DYNC2H1: variants seen among roughly 807,000 people sequenced by gnomAD.
DYNC2H1 encodes dynein cytoplasmic 2 heavy chain 1.
DYNC2H1 carries 410 observed loss-of-function variants against 570.0 expected under a neutral mutation model. The observed-to-expected ratio is 0.72, with a 90% CI of 0.66 to 0.78. The LOEUF (loss-of-function observed/expected upper bound fraction) is 0.78, where lower values mean the gene tolerates loss of function less well. Among genes scored for constraint, DYNC2H1 ranks in the 30% least tolerant of loss-of-function variants. DYNC2H1 has a pLI of 0.00. For synonymous variants in DYNC2H1, 1,688 were observed against 1,677.6 expected, an observed-to-expected ratio of 1.01 and a Z score of -0.15; for missense variants, 4,865 against 5,046.4, an observed-to-expected ratio of 0.96 and a Z score of 1.09.
chr11:103,283,878 T>G (rs1866242661), intron 73 of DYNC2H1, among the ~76,000 whole-genome samples: 1 of 151,026 alleles, frequency 6.6e-6, no homozygotes, highest in Admixed American at 6.6e-5. Flanking sequence ...ATATCCTCCA[T>G]TTTTTTTTCA....
intron 84 of DYNC2H1, chr11:103,408,101 C>T (rs955136869): frequency 3.3e-5 from 5 of 151,594 alleles, no homozygotes; most frequent in Non-Finnish European, 7.4e-5. Context: ...TAAGAGGATC[C>T]GGTATAGGGA....
Position 103,479,257 on chromosome 11 carries a change from C to T in DYNC2H1, c.*4C>T. 6.2e-7 allele frequency: 1 copy of T among 1,606,406 alleles called. No individual in the cohort carries two copies. The highest frequency in any genetic ancestry group is 1.7e-4 in the Middle Eastern group (1 of 6,030). The stretch of plus-strand genomic sequence containing the variant: ...TCTATTCCTAAAAAATCAGTAGAAT[C>T]TAATGACAACAAAAGCCATCTTCAC... On this transcript the variant is annotated 3_prime_UTR_variant, in exon 89 of 89. Transcript: ENST00000375735.
rs751769715 is a variant in DYNC2H1, at chr11:103,243,825, G to A, written c.9918+34G>A. On this transcript the variant is annotated intron_variant, in intron 64 of 88. Transcript: ENST00000375735. This position sits in a 1 kb window ranked among gnomAD's most constrained non-coding sequence, Gnocchi z 4.8. ...TATTTATAATTTACATACCAATTAGGAATGACCTCTTATAGTGAAAAGATC... is the reference window on the plus strand; with the variant it reads ...TATTTATAATTTACATACCAATTAGAAATGACCTCTTATAGTGAAAAGATC... The A allele has an allele frequency of 6.8e-7, 1 of 1,470,748 alleles. No homozygotes were observed. The highest frequency in any genetic ancestry group is 1.3e-5 in the South Asian group (1 of 79,820). 91.1% of individuals were successfully genotyped at this position (1,470,748 alleles called of 1,614,324 possible).
At chr11:103,470,529 G>A (rs895958945) in intron 88 of DYNC2H1, among the ~76,000 whole-genome samples, 2 of 152,080 alleles carry the variant, frequency 1.3e-5, no homozygotes, top group Admixed American at 6.6e-5. Context: ...TCATTAACTC[G>A]TCATTTAGCA....
chr11:103,188,786 A>C (rs1862181287), intron 44 of DYNC2H1, 138 bp downstream of exon 44: 2 of 678,282 alleles, frequency 2.9e-6, no homozygotes, highest in African/African-American at 1.9e-5. Flanking sequence ...ATTTTTTCCT[A>C]CCCTTCTCAA....
At position 103,170,860 on chromosome 11, in the gene DYNC2H1, CTA is replaced by C. The variant is rs1861538281; in HGVS notation, c.5152-23_5152-22del. On this transcript the variant is annotated intron_variant, in intron 33 of 88. Coordinates refer to ENST00000375735, the MANE Select transcript of DYNC2H1 (RefSeq NM_001377.3). The surrounding 1 kb of genome is among the most constrained non-coding windows in gnomAD (Gnocchi z 4.8). ...GGAGATTTTGATTATTTTTTAATGACTATAATTTTTATTGTTGTTTTTAAGGG... is the reference window on the plus strand; with the variant it reads ...GGAGATTTTGATTATTTTTTAATGACTAATTTTTATTGTTGTTTTTAAGGG... 1 of 1,418,254 alleles carries C rather than the reference CTA, an allele frequency of 7.1e-7. No individual in the cohort carries two copies. Among genetic ancestry groups the C allele is most frequent in the Non-Finnish European group, 9.3e-7 (1 of 1,074,848 alleles). The allele number at this position is 1,418,254 out of a possible 1,614,324, so 87.9% of individuals were successfully genotyped here.
intron 29 of DYNC2H1, among the ~76,000 whole-genome samples, chr11:103,162,232 C>CTT (rs5794211): frequency 0.94 from 143,510 of 152,018 alleles, 67,816 homozygotes; most frequent in African/African-American, 0.98. Context: ...GATTCTCACT[C>CTT]TAGCTTCAGT....
intron 85 of DYNC2H1, among the ~76,000 whole-genome samples, chr11:103,441,138 C>A (rs147538582): frequency 1.5e-3 from 228 of 152,164 alleles, no homozygotes; most frequent in Non-Finnish European, 2.9e-3. Context: ...CAGTTTTCTA[C>A]CTCATTTACT....
chr11:103,298,073 C>T (rs1866906372), intron 75 of DYNC2H1, among the ~76,000 whole-genome samples: 1 of 152,120 alleles, frequency 6.6e-6, no homozygotes, highest in African/African-American at 2.4e-5. Context: ...CACTTCTCTG[C>T]TCCAAGTCTT....
intron 85 of DYNC2H1, among the ~76,000 whole-genome samples, chr11:103,451,386 G>A (rs1163179721): frequency 2.4e-5 from 3 of 125,934 alleles, no homozygotes; most frequent in African/African-American, 9.3e-5. Flanking sequence ...AGGCTGGAGT[G>A]CAGTGGCACA....
intron 82 of DYNC2H1, among the ~76,000 whole-genome samples, chr11:103,338,272 T>C (rs1939255774): frequency 2.6e-5 from 4 of 151,942 alleles, no homozygotes; most frequent in African/African-American, 7.2e-5. Flanking sequence ...TTGGTTACTA[T>C]AGGTTTCTAG....
intron 84 of DYNC2H1, among the ~76,000 whole-genome samples, chr11:103,414,917 A>G (rs561328705): frequency 3.9e-5 from 6 of 152,208 alleles, no homozygotes; most frequent in Non-Finnish European, 4.4e-5. Context: ...TTCCATGCTT[A>G]TGTACCACCA....
At chr11:103,234,906 C>T (rs2135196740) in intron 61 of DYNC2H1, among the ~76,000 whole-genome samples, 1 of 152,010 alleles carries the variant, frequency 6.6e-6, no homozygotes, top group South Asian at 2.1e-4. Flanking sequence ...CTTTGGGCAT[C>T]AATACTAAAA....
intron 15 of DYNC2H1, among the ~76,000 whole-genome samples, chr11:103,134,816 A>G (rs890704116): frequency 1.2e-4 from 18 of 152,062 alleles, no homozygotes; most frequent in African/African-American, 4.3e-4. Flanking sequence ...TTTTGGAGGT[A>G]AAATTTGAGT....
In DYNC2H1 at chr11:103,211,798, A is replaced by G; in HGVS notation, c.8549A>G (p.Asp2850Gly). The G allele has an allele frequency of 7.4e-7, 1 of 1,345,558 alleles. No individual in the cohort carries two copies. The allele number at this position is 1,345,558 out of a possible 1,614,324, so 83.4% of individuals were successfully genotyped here. A position where few individuals can be genotyped will look rare whatever the true frequency, so the allele number is the denominator to read the frequency against. Residue 2850 changes from aspartate (D) to glycine (G), a missense_variant, in exon 54 of 89, where the codon GAT becomes GGT. Coordinates refer to ENST00000375735, the MANE Select transcript of DYNC2H1 (RefSeq NM_001377.3). ...EEKKKNSVDP[D>G]FLKSFLLIHE... Reference sequence around the variant, plus strand: ...TTCTATTTTTTTCTAGTTGATCCTGATTTTCTAAAATCATTTTTATTAATC... The same window carrying G: ...TTCTATTTTTTTCTAGTTGATCCTGGTTTTCTAAAATCATTTTTATTAATC...
rs117897295 is a variant in DYNC2H1, at chr11:103,145,341, C to A, written c.2702+1946C>A. Among the ~76,000 whole-genome samples the A allele has an allele frequency of 2.8e-4, 42 of 152,134 alleles. No individual in the cohort carries two copies. In the East Asian group the frequency reaches 8.1e-3, roughly 29 times the overall value. On this transcript the variant is annotated intron_variant, in intron 18 of 88. Transcript: ENST00000375735. The surrounding 1 kb of genome is among the most constrained non-coding windows in gnomAD (Gnocchi z 4.2). ...TGGGTGATTTGGATACTGGTAGGAC[C>A]ATTAATATTAGTTTAAAGTAAGGAA... is the stretch of plus-strand genomic sequence containing the variant.
intron 77 of DYNC2H1, among the ~76,000 whole-genome samples, chr11:103,306,149 G>A (rs756071535): frequency 2.0e-5 from 3 of 152,190 alleles, no homozygotes; most frequent in Non-Finnish European, 2.9e-5. Context: ...CTGGCCTCAA[G>A]TGATCTGCCT....
At chr11:103,307,884 C>A in intron 78 of DYNC2H1, 53 bp downstream of exon 78, 1 of 1,054,030 alleles carries the variant, frequency 9.5e-7, no homozygotes, top group Non-Finnish European at 1.4e-6. Context: ...GTACTCTATA[C>A]ATGACTTCTA....
At chr11:103,370,151 C>T (rs994409624) in intron 83 of DYNC2H1, among the ~76,000 whole-genome samples, 4 of 152,132 alleles carry the variant, frequency 2.6e-5, no homozygotes, top group Admixed American at 1.3e-4. Flanking sequence ...AACCTTTGGG[C>T]CTTAAGGGAA....
Sources: gnomAD v4.1 joint callset for allele counts (sites outside exome capture counted in the v4.1 genomes callset) on GRCh38, gnomAD v4.1.1 for gene constraint, Gnocchi (gnomAD v3.1) non-coding constraint, MANE v1.5 for transcripts, NCBI Gene and HGNC (gene_info 2026-07-23, HGNC 2026-07-21) for gene names.